The following NFKBIZ variants were observed in gnomAD, a reference collection of about 807,000 sequenced individuals.
NFKBIZ encodes the protein NF-kappa-B inhibitor zeta.
In NFKBIZ, 19 loss-of-function variants were observed where a neutral mutation model predicts 76.8. The ratio of observed to expected loss-of-function variants is 0.25; its 90% CI spans 0.17 to 0.36. NFKBIZ has a LOEUF of 0.36. Ranked by LOEUF, NFKBIZ falls within the 10% of genes least tolerant of loss-of-function variation. NFKBIZ has a pLI of 1.00. For missense variants in NFKBIZ, 829 were observed against 910.9 expected, an observed-to-expected ratio of 0.91 and a Z score of 1.16; for synonymous variants, 368 against 354.8, an observed-to-expected ratio of 1.04 and a Z score of -0.42.
chr3:101,838,973 A>G (rs2107399724), intron 2 of NFKBIZ, among the ~76,000 whole-genome samples: 1 of 152,332 alleles, frequency 6.6e-6, no homozygotes, highest in South Asian at 2.1e-4. Flanking sequence ...TATTCCGCAT[A>G]TGGCAGATAT....
chr3:101,855,699 G>T, intron 8 of NFKBIZ, 34 bp from the exon 9 acceptor site: 1 of 1,555,180 alleles, frequency 6.4e-7, no homozygotes, highest in Non-Finnish European at 8.7e-7. Flanking sequence ...CTGATGGGAT[G>T]CTTGACCACT....
chr3:101,828,487 G>A (rs1942590223), intron 1 of NFKBIZ, among the ~76,000 whole-genome samples: 1 of 152,182 alleles, frequency 6.6e-6, no homozygotes, highest in Non-Finnish European at 1.5e-5. Context: ...TAAATCTAAT[G>A]TAACACTATC....
In NFKBIZ at chr3:101,838,801, T is replaced by C. The variant is rs76174401; in HGVS notation, c.-12+9113T>C. 2.1e-4 allele frequency among the ~76,000 whole-genome samples: 32 copies of C among 152,346 alleles called. No homozygotes were observed. In the East Asian group the frequency reaches 6.2e-3, roughly 29 times the overall value. ...ATTCCAGTATTAAATTATCCCTTCA[T>C]AAAATTCTTCCTGTTGATAGCTATG... On this transcript the variant is annotated intron_variant, in intron 2 of 12. Coordinates refer to the NFKBIZ transcript ENST00000394054.
intron 9 of NFKBIZ, 85 bp downstream of exon 9, chr3:101,855,987 ACTT>A: frequency 1.6e-6 from 2 of 1,269,278 alleles, no homozygotes; most frequent in Admixed American, 2.6e-5. Context: ...ACAGATTCAA[ACTT>A]CTTTCTTTTT....
In NFKBIZ at chr3:101,853,306, G is replaced by A. The variant is rs114169241; in HGVS notation, c.780G>A (p.Gly260=). 22 of 1,614,002 alleles carry A rather than the reference G, an allele frequency of 1.4e-5. No individual in the cohort carries two copies. Among genetic ancestry groups the A allele is most frequent in the Non-Finnish European group, 1.7e-5 (20 of 1,180,034 alleles). ...PAEQCQDFHG[G]QVFSPPQKCQ... ...AGCAGTGTCAGGACTTCCATGGAGG[G>A]CAGGTCTTTTCTCCACCTCAGAAAT... Residue 260 remains glycine, a synonymous_variant, in exon 5 of 12, where the codon GGG becomes GGA. Transcript: ENST00000326172.
At chr3:101,850,029 T>A in intron 1 of NFKBIZ, 112 bp downstream of exon 1, 1 of 1,055,006 alleles carries the variant, frequency 9.5e-7, no homozygotes, top group South Asian at 2.7e-5. Flanking sequence ...AGCTAGGACG[T>A]ACGCACCTTA....
intron 2 of NFKBIZ, among the ~76,000 whole-genome samples, chr3:101,852,429 GA>G (rs1942978506): frequency 6.6e-6 from 1 of 152,184 alleles, no homozygotes; most frequent in African/African-American, 2.4e-5. Flanking sequence ...GTGGGCAAGA[GA>G]AACTCAATGA....
At chr3:101,828,887 T>TA (rs1386626156) in intron 1 of NFKBIZ, among the ~76,000 whole-genome samples, 2 of 152,230 alleles carry the variant, frequency 1.3e-5, no homozygotes, top group African/African-American at 4.8e-5. Context: ...GGATGACAGT[T>TA]ACGTAAATTT....
At chr3:101,858,540 T>G in intron 11 of NFKBIZ, 2 of 714,104 alleles carry the variant, frequency 2.8e-6, no homozygotes, top group Non-Finnish European at 3.4e-6. Flanking sequence ...CATTTAACTC[T>G]TCATTAAATG....
At chr3:101,856,311 A>T (rs1322469527) in intron 9 of NFKBIZ, among the ~76,000 whole-genome samples, 1 of 152,204 alleles carries the variant, frequency 6.6e-6, no homozygotes, top group Non-Finnish European at 1.5e-5. Flanking sequence ...CGGCCTCCCG[A>T]AGTGCTGGGA....
At chr3:101,843,005 A>G (rs1214045533) in intron 2 of NFKBIZ, among the ~76,000 whole-genome samples, 2 of 146,108 alleles carry the variant, frequency 1.4e-5, no homozygotes, top group East Asian at 3.9e-4. Flanking sequence ...ATTTATTTTT[A>G]AAAACTGTAT....
chr3:101,848,700 A>C (rs971766076), upstream of NFKBIZ, among the ~76,000 whole-genome samples: 1 of 152,232 alleles, frequency 6.6e-6, no homozygotes, highest in Non-Finnish European at 1.5e-5. Flanking sequence ...AGCTATGCAG[A>C]ATTTTAAAAG....
At chr3:101,839,091 A>G (rs1312311534) in intron 2 of NFKBIZ, among the ~76,000 whole-genome samples, 2 of 152,168 alleles carry the variant, frequency 1.3e-5, no homozygotes, top group African/African-American at 4.8e-5. Context: ...CATATGATAT[A>G]AGCTGATTTC....
chr3:101,830,131 A>G (rs1942628976), intron 2 of NFKBIZ, among the ~76,000 whole-genome samples: 1 of 152,070 alleles, frequency 6.6e-6, no homozygotes, highest in Non-Finnish European at 1.5e-5. Flanking sequence ...CTGTTCCTTT[A>G]ATTTGGGATT....
In NFKBIZ at chr3:101,837,259, A is replaced by G. The variant is rs139559623; in HGVS notation, c.-12+7571A>G. 5.8e-3 allele frequency among the ~76,000 whole-genome samples: 891 copies of G among 152,342 alleles called. 8 individuals are homozygous for G. Among genetic ancestry groups the G allele is most frequent in the African/African-American group, 0.013 (545 of 41,592 alleles). ...TTGTATTTTATACAGGTGAAGACTC[A>G]GTAAATCTAGCTTTTCTTTCTCACT... is the stretch of plus-strand genomic sequence containing the variant. On this transcript the variant is annotated intron_variant, in intron 2 of 12. Coordinates refer to the NFKBIZ transcript ENST00000394054.
chr3:101,838,624 G>A (rs948722028), intron 2 of NFKBIZ, among the ~76,000 whole-genome samples: 10 of 152,238 alleles, frequency 6.6e-5, no homozygotes, highest in Non-Finnish European at 1.3e-4. Flanking sequence ...CCTGCAGGCC[G>A]TAGTTGCCAA....
chr3:101,859,274 C>G, intron 11 of NFKBIZ, 44 bp from the exon 12 acceptor site: 2 of 1,495,370 alleles, frequency 1.3e-6, no homozygotes, highest in Non-Finnish European at 1.9e-6. Context: ...ACCACATTGG[C>G]CATAAGAAAT....
intron 2 of NFKBIZ, among the ~76,000 whole-genome samples, chr3:101,834,361 T>C (rs1466170873): frequency 6.6e-6 from 1 of 151,706 alleles, no homozygotes; most frequent in Non-Finnish European, 1.5e-5. Context: ...CTTTCCCTTT[T>C]CCTTTCCCTT....
chr3:101,857,900 A>G (rs895392723), intron 11 of NFKBIZ: 64 of 863,194 alleles, frequency 7.4e-5, no homozygotes, highest in Non-Finnish European at 7.8e-5. Context: ...GTGAACATCA[A>G]TAGTTAGAAT....
Sources: allele counts gnomAD v4.1 joint callset (sites outside exome capture counted in the v4.1 genomes callset), GRCh38; gene constraint gnomAD v4.1.1; transcripts MANE v1.5; gene names NCBI Gene and HGNC (gene_info 2026-07-23, HGNC 2026-07-21).